GJB7: variants seen among roughly 807,000 people sequenced by gnomAD.
GJB7 encodes the protein gap junction beta-7 protein.
For missense variants in GJB7, 253 were observed against 256.8 expected (o/e 0.99, Z 0.10); for synonymous variants, 87 against 95.2 (o/e 0.91, Z 0.50).
intron 2 of GJB7, chr6:87,299,279 C>A (rs1776287254): frequency 6.3e-6 from 3 of 476,582 alleles, no homozygotes; most frequent in South Asian, 4.8e-5. Context: ...ACGATTTCTG[C>A]AAATGGAGAC....
intron 2 of GJB7, among the ~76,000 whole-genome samples, chr6:87,296,046 G>GCGTTTT (rs1365005134): frequency 6.6e-6 from 1 of 152,178 alleles, no homozygotes; most frequent in Non-Finnish European, 1.5e-5. Context: ...TCACTCTTCA[G>GCGTTTT]CGTTTTGTGG....
chr6:87,303,529 A>C (rs1205075908), intron 2 of GJB7, among the ~76,000 whole-genome samples: 1 of 152,242 alleles, frequency 6.6e-6, no homozygotes, highest in African/African-American at 2.4e-5. Flanking sequence ...TCATAAAGCA[A>C]GCCCTTAGAG....
At chr6:87,314,869 C>T (rs966970051) in intron 2 of GJB7, among the ~76,000 whole-genome samples, 1 of 152,098 alleles carries the variant, frequency 6.6e-6, no homozygotes, top group Non-Finnish European at 1.5e-5. Context: ...GGGGCATCCA[C>T]GCCTTCACAG....
At chr6:87,293,448 T>C (rs1181984245) in intron 2 of GJB7, among the ~76,000 whole-genome samples, 1 of 151,994 alleles carries the variant, frequency 6.6e-6, no homozygotes, top group Non-Finnish European at 1.5e-5. Flanking sequence ...GGTTTTTGTT[T>C]TGTTTTTGTT....
chr6:87,308,185 T>G (rs908020805), intron 2 of GJB7, among the ~76,000 whole-genome samples: 1 of 149,212 alleles, frequency 6.7e-6, no homozygotes, highest in South Asian at 2.2e-4. Flanking sequence ...ATGAGAACAC[T>G]TGGACACAGG....
intron 2 of GJB7, among the ~76,000 whole-genome samples, chr6:87,306,574 A>C (rs9353477): frequency 6.6e-6 from 1 of 151,668 alleles, no homozygotes; most frequent in Non-Finnish European, 1.5e-5. Flanking sequence ...TACACTGTTG[A>C]TGGGACCGTA....
At chr6:87,303,645 G>A (rs1776372970) in intron 2 of GJB7, among the ~76,000 whole-genome samples, 1 of 152,152 alleles carries the variant, frequency 6.6e-6, no homozygotes, top group Admixed American at 6.5e-5. Context: ...GGATATCCAG[G>A]AACTGAACTC....
At chr6:87,286,811 G>A (rs1163357786) in intron 2 of GJB7, among the ~76,000 whole-genome samples, 1 of 152,148 alleles carries the variant, frequency 6.6e-6, no homozygotes, top group Non-Finnish European at 1.5e-5. Flanking sequence ...GATGGTGGTG[G>A]TTTTATTCTT....
At chr6:87,307,696 G>A (rs997596181) in intron 2 of GJB7, among the ~76,000 whole-genome samples, 3 of 152,210 alleles carry the variant, frequency 2.0e-5, no homozygotes, top group Admixed American at 2.0e-4. Flanking sequence ...ACACCAGTTA[G>A]AATGGCCATC....
intron 1 of GJB7, among the ~76,000 whole-genome samples, chr6:87,327,456 A>G (rs910339020): frequency 1.3e-5 from 2 of 152,124 alleles, no homozygotes; most frequent in Non-Finnish European, 1.5e-5. Flanking sequence ...CCTGCTGGTC[A>G]CAAAATCTCT....
At chr6:87,301,896 G>A (rs1019214732) in intron 2 of GJB7, among the ~76,000 whole-genome samples, 8 of 152,324 alleles carry the variant, frequency 5.3e-5, no homozygotes, top group Middle Eastern at 3.4e-3. Context: ...TGCAGCCTCC[G>A]CTGCTGATAC....
intron 2 of GJB7, among the ~76,000 whole-genome samples, chr6:87,291,523 A>T (rs1776173370): frequency 6.6e-6 from 1 of 152,156 alleles, no homozygotes. Flanking sequence ...TCCCTAGAAG[A>T]TCCTGGACTG....
At chr6:87,309,026 C>T (rs953843046) in intron 2 of GJB7, among the ~76,000 whole-genome samples, 2 of 152,144 alleles carry the variant, frequency 1.3e-5, no homozygotes, top group African/African-American at 4.8e-5. Flanking sequence ...GGAAGTGTCC[C>T]TCTGGCTGGG....
intron 2 of GJB7, among the ~76,000 whole-genome samples, chr6:87,317,287 C>T (rs1244845593): frequency 6.6e-6 from 1 of 151,898 alleles, no homozygotes; most frequent in East Asian, 1.9e-4. Context: ...TTGCTTGAGC[C>T]TGGGAGGCAG....
At chr6:87,313,415 T>C (rs1374765711) in intron 2 of GJB7, among the ~76,000 whole-genome samples, 1 of 152,248 alleles carries the variant, frequency 6.6e-6, no homozygotes, top group African/African-American at 2.4e-5. Context: ...CCTAAAAGGA[T>C]GGAGTTAAAA....
Position 87,300,147 on chromosome 6 carries a change from T to C in GJB7, c.-27-15208A>G, listed in dbSNP as rs1319839527. 4.1e-5 allele frequency: 10 copies of C among 242,322 alleles called. No individual in the cohort carries two copies. The East Asian group carries it at 8.7e-4, about 21-fold the overall frequency. The allele number at this position is 242,322 out of a possible 1,614,324, so 15.0% of individuals were successfully genotyped here. A position where few individuals can be genotyped will look rare whatever the true frequency, so the allele number is the denominator to read the frequency against. On this transcript the variant is annotated intron_variant, in intron 2 of 2. Coordinates refer to ENST00000525899, the MANE Select transcript of GJB7 (RefSeq NM_198568.3). ...CAGCTAATGAAGATTTAAAAATTCG[T>C]ACAGAAGTTATTAAAAGAACACTCA...
At chr6:87,316,902 T>C (rs1776591910) in intron 2 of GJB7, among the ~76,000 whole-genome samples, 1 of 152,224 alleles carries the variant, frequency 6.6e-6, no homozygotes, top group South Asian at 2.1e-4. Context: ...CTGTCTCCTC[T>C]GACCTGAAAC....
intron 2 of GJB7, among the ~76,000 whole-genome samples, chr6:87,315,173 C>T (rs915809276): frequency 4.6e-5 from 7 of 152,142 alleles, no homozygotes; most frequent in African/African-American, 1.2e-4. Context: ...TATTCCCCGC[C>T]GACCCCTTGT....
At chr6:87,295,444 A>C (rs927015137) in intron 2 of GJB7, among the ~76,000 whole-genome samples, 1 of 152,186 alleles carries the variant, frequency 6.6e-6, no homozygotes, top group African/African-American at 2.4e-5. Context: ...TCAGGGAAGA[A>C]TGGGGTGAAG....
Sources: allele counts gnomAD v4.1 joint callset (sites outside exome capture counted in the v4.1 genomes callset), GRCh38; gene constraint gnomAD v4.1.1; transcripts MANE v1.5; gene names NCBI Gene and HGNC (gene_info 2026-07-23, HGNC 2026-07-21).